Variants in TDP1 observed in about 807,000 individuals in gnomAD.
TDP1 encodes tyrosyl-DNA phosphodiesterase 1, also known as tyr-DNA phosphodiesterase 1.
TDP1 carries 64 observed loss-of-function variants against 81.5 expected under a neutral mutation model. That is an observed-to-expected ratio of 0.79 (90% CI 0.64 to 0.97). The LOEUF (loss-of-function observed/expected upper bound fraction) is 0.97, where lower values mean the gene tolerates loss of function less well. TDP1 is among the 50% of genes least tolerant of loss of function. TDP1 has a pLI of 0.00. For synonymous variants in TDP1, 256 were observed against 264.3 expected, an observed-to-expected ratio of 0.97 and a Z score of 0.30; for missense variants, 723 against 743.8, an observed-to-expected ratio of 0.97 and a Z score of 0.33.
intron 6 of TDP1, among the ~76,000 whole-genome samples, chr14:89,974,602 G>C (rs889308372): frequency 2.6e-5 from 4 of 152,178 alleles, no homozygotes; most frequent in African/African-American, 9.7e-5. Flanking sequence ...GTGGGGAGAG[G>C]TTGCAGTAGT....
At chr14:90,032,889 AT>A (rs1383434205) in intron 15 of TDP1, 2 of 978,682 alleles carry the variant, frequency 2.0e-6, no homozygotes, top group African/African-American at 3.5e-5. Context: ...CTATAACTTA[AT>A]TCCTGAAAAT....
At chr14:89,981,334 A>G in intron 8 of TDP1, 2 of 380,340 alleles carry the variant, frequency 5.3e-6, no homozygotes, top group Middle Eastern at 7.4e-4. Flanking sequence ...TGGTGCACAT[A>G]TGCTAGATCC....
At chr14:89,993,972 T>C (rs974731688) in intron 14 of TDP1, among the ~76,000 whole-genome samples, 1 of 152,194 alleles carries the variant, frequency 6.6e-6, no homozygotes, top group African/African-American at 2.4e-5. Flanking sequence ...CACAGAATTA[T>C]GTAACCATTA....
At chr14:89,957,720 A>C (rs561258030) in intron 2 of TDP1, among the ~76,000 whole-genome samples, 19 of 152,338 alleles carry the variant, frequency 1.2e-4, no homozygotes, top group Admixed American at 4.6e-4. Context: ...CAGTGTCCTG[A>C]GCTAGCATTT....
chr14:90,012,747 A>G (rs944396784), intron 14 of TDP1, among the ~76,000 whole-genome samples: 2 of 151,928 alleles, frequency 1.3e-5, no homozygotes, highest in Admixed American at 1.3e-4. Context: ...CATCCTCCAG[A>G]CCCCAAAATG....
At chr14:89,969,908 G>T (rs1310421468) in intron 5 of TDP1, among the ~76,000 whole-genome samples, 1 of 123,486 alleles carries the variant, frequency 8.1e-6, no homozygotes, top group Non-Finnish European at 1.6e-5. Context: ...GCGGAGTCTC[G>T]CTCTGTCGCC....
intron 6 of TDP1, chr14:89,975,266 C>T: frequency 8.1e-6 from 2 of 248,218 alleles, no homozygotes; most frequent in Non-Finnish European, 1.3e-5. Context: ...TTAGTAGAAA[C>T]GGGGTTCCAC....
chr14:90,039,821 A>G (rs937695142), intron 16 of TDP1, among the ~76,000 whole-genome samples: 19 of 152,160 alleles, frequency 1.2e-4, no homozygotes, highest in Admixed American at 5.2e-4. Context: ...TGAGCACTTG[A>G]CATGAATTAA....
At chr14:90,008,811 C>T (rs188605942) in intron 14 of TDP1, among the ~76,000 whole-genome samples, 3 of 152,290 alleles carry the variant, frequency 2.0e-5, no homozygotes, top group African/African-American at 7.2e-5. Flanking sequence ...TGGGCTCAAG[C>T]AATTCTCCCA....
At chr14:90,033,879 C>T (rs1245007187) in intron 16 of TDP1, among the ~76,000 whole-genome samples, 1 of 152,122 alleles carries the variant, frequency 6.6e-6, no homozygotes, top group Non-Finnish European at 1.5e-5. Flanking sequence ...CCTTGCCCAA[C>T]ATAGCGAGAA....
intron 14 of TDP1, among the ~76,000 whole-genome samples, chr14:89,997,616 C>G (rs1180450250): frequency 6.6e-6 from 1 of 152,082 alleles, no homozygotes; most frequent in Non-Finnish European, 1.5e-5. Context: ...TTGCGACTTC[C>G]AGAGGAGAAT....
At position 89,966,163 on chromosome 14, in the gene TDP1, A is replaced by G. The variant is rs1198826446; in HGVS notation, c.576A>G (p.Leu192=). ...TCTTCTCAGATATTTTATCTCCTTT[A>G]TTTGGGACGCTTGTTTCTTCAGCTC... The part of the protein sequence containing the change: ...ALHIKDILSP[L]FGTLVSSAQF... The change falls in exon 4 of 17, where the codon TTA becomes TTG. Residue 192 remains leucine (L), a synonymous_variant. Transcript: ENST00000335725. 2 of 1,606,770 alleles carry G rather than the reference A, an allele frequency of 1.2e-6. No individual in the cohort carries two copies. The highest frequency in any genetic ancestry group is 1.7e-5 in the Admixed American group (1 of 59,994).
At chr14:90,006,739 A>G (rs891787452) in intron 14 of TDP1, among the ~76,000 whole-genome samples, 2 of 152,064 alleles carry the variant, frequency 1.3e-5, no homozygotes, top group East Asian at 1.9e-4. Flanking sequence ...GGGTTTCACC[A>G]TGTTGGCCAG....
intron 14 of TDP1, among the ~76,000 whole-genome samples, chr14:90,004,648 T>A (rs571660490): frequency 6.6e-6 from 1 of 152,226 alleles, no homozygotes. Context: ...GTTTTAGTTA[T>A]AGATGATGGA....
At chr14:89,989,147 T>A (rs146223310) in intron 11 of TDP1, 57 bp downstream of exon 11, 36 of 1,561,264 alleles carry the variant, frequency 2.3e-5, no homozygotes, top group Non-Finnish European at 3.2e-5. Flanking sequence ...AGGAGAAGAA[T>A]TGAAAATTGG....
At chr14:90,018,346 AAG>A (rs1362446845) in intron 14 of TDP1, among the ~76,000 whole-genome samples, 2 of 152,156 alleles carry the variant, frequency 1.3e-5, no homozygotes, top group East Asian at 1.9e-4. Flanking sequence ...CGCTTATAAA[AAG>A]AGTCTCTGAA....
At chr14:89,979,834 C>T (rs776935509) in intron 7 of TDP1, among the ~76,000 whole-genome samples, 4 of 151,998 alleles carry the variant, frequency 2.6e-5, no homozygotes, top group Admixed American at 6.6e-5. Flanking sequence ...GAAATGTGTT[C>T]GACTAGAGGC....
chr14:90,014,878 C>T (rs1048113173), intron 14 of TDP1, among the ~76,000 whole-genome samples: 4 of 152,180 alleles, frequency 2.6e-5, no homozygotes, highest in African/African-American at 9.7e-5. Flanking sequence ...GGGCTTGGCC[C>T]AGAGGTCATC....
chr14:89,996,802 T>C (rs1596589188), intron 14 of TDP1, among the ~76,000 whole-genome samples: 1 of 152,330 alleles, frequency 6.6e-6, no homozygotes, highest in East Asian at 1.9e-4. Flanking sequence ...GTAGCCACCA[T>C]GTGGCAGACA....
Sources: gnomAD v4.1 joint callset for allele counts (sites outside exome capture counted in the v4.1 genomes callset) on GRCh38, gnomAD v4.1.1 for gene constraint, MANE v1.5 for transcripts, NCBI Gene and HGNC (gene_info 2026-07-23, HGNC 2026-07-21) for gene names.